The following PRDM16 variants were observed in gnomAD, a reference collection of about 807,000 sequenced individuals.
The protein encoded by PRDM16 is PR/SET domain 16, also known as histone-lysine N-methyltransferase PRDM16.
A neutral mutation model predicts 110.6 loss-of-function variants in PRDM16; 23 were observed. The observed-to-expected ratio is 0.21, with a 90% CI of 0.15 to 0.29. The LOEUF is 0.29. PRDM16 is among the 10% of genes least tolerant of loss of function. The pLI is 1.00. For synonymous variants in PRDM16, 799 were observed against 781.8 expected (o/e 1.02, Z -0.37); for missense variants, 1,615 against 1,794.3 (o/e 0.90, Z 1.81).
rs545791534 is a variant in PRDM16 at position 3,310,651 on chromosome 1, T to G, written c.438+66514T>G. On this transcript the variant is annotated intron_variant, in intron 3 of 16. Coordinates refer to ENST00000270722, the MANE Select transcript of PRDM16 (RefSeq NM_022114.4). The stretch of plus-strand genomic sequence containing the variant: ...CAGCAAGCACGTCTCAACCAGGGCC[T>G]CCTCTGGCCTCCACGCTACCTCTCC... 2.1e-4 allele frequency among the ~76,000 whole-genome samples: 32 copies of G among 152,316 alleles called. No individual in the cohort carries two copies. The South Asian group carries it at 6.0e-3, about 29-fold the overall frequency.
chr1:3,193,284 C>G (rs993027700), intron 2 of PRDM16, among the ~76,000 whole-genome samples: 3 of 152,242 alleles, frequency 2.0e-5, no homozygotes, highest in Admixed American at 1.3e-4. Flanking sequence ...AGGCTTCGGG[C>G]TCCTGCCCGG....
At chr1:3,096,040 G>A (rs1642390279) in intron 1 of PRDM16, among the ~76,000 whole-genome samples, 1 of 152,026 alleles carries the variant, frequency 6.6e-6, no homozygotes, top group Non-Finnish European at 1.5e-5. Flanking sequence ...AAGCCCTCGG[G>A]ACCTGCCCCC....
intron 1 of PRDM16, among the ~76,000 whole-genome samples, chr1:3,130,701 A>G (rs1431511101): frequency 1.3e-5 from 2 of 151,552 alleles, no homozygotes; most frequent in Non-Finnish European, 2.9e-5. Flanking sequence ...AGAGCCCATT[A>G]CAGACGGATG....
intron 1 of PRDM16, among the ~76,000 whole-genome samples, chr1:3,155,922 TAGA>T (rs1643852983): frequency 6.6e-6 from 1 of 152,172 alleles, no homozygotes; most frequent in African/African-American, 2.4e-5. Context: ...TAATAATGCG[TAGA>T]AGGAGATTTA....
intron 3 of PRDM16, among the ~76,000 whole-genome samples, chr1:3,354,969 G>A (rs548307825): frequency 6.6e-6 from 1 of 152,300 alleles, no homozygotes; most frequent in Admixed American, 6.5e-5. Context: ...CAGAGCTTGG[G>A]GGAGGCGGAA....
intron 3 of PRDM16, among the ~76,000 whole-genome samples, chr1:3,340,801 T>G (rs944819): frequency 0.67 from 101,907 of 152,068 alleles, 34,331 homozygotes; most frequent in Middle Eastern, 0.81. Flanking sequence ...CAAAATGGTG[T>G]CAGGGTGTGG....
At chr1:3,229,710 G>T (rs894067728) in intron 2 of PRDM16, among the ~76,000 whole-genome samples, 2 of 152,082 alleles carry the variant, frequency 1.3e-5, no homozygotes, top group African/African-American at 4.8e-5. Context: ...AAACCTTAAG[G>T]GTCTCTTTCT....
At chr1:3,270,561 A>T (rs1197452224) in intron 3 of PRDM16, among the ~76,000 whole-genome samples, 1 of 148,492 alleles carries the variant, frequency 6.7e-6, no homozygotes, top group Non-Finnish European at 1.5e-5. Context: ...AGTCAAGAGG[A>T]GCATAGTCCT....
At chr1:3,114,169 A>ACACACG (rs751825500) in intron 1 of PRDM16, among the ~76,000 whole-genome samples, 1 of 100,736 alleles carries the variant, frequency 9.9e-6, no homozygotes, top group African/African-American at 4.1e-5. Flanking sequence ...ACACACGCAC[A>ACACACG]CACACGCACA....
intron 1 of PRDM16, among the ~76,000 whole-genome samples, chr1:3,177,765 G>A (rs554322540): frequency 3.3e-5 from 5 of 152,350 alleles, no homozygotes; most frequent in East Asian, 3.9e-4. Context: ...TGATGGAGGC[G>A]TTCTCTGTCC....
At chr1:3,256,836 G>A (rs570231363) in intron 3 of PRDM16, among the ~76,000 whole-genome samples, 20 of 151,426 alleles carry the variant, frequency 1.3e-4, no homozygotes, top group Non-Finnish European at 2.7e-4. Flanking sequence ...CAGCCTGGGC[G>A]ACAGAGTGCG....
chr1:3,247,211 G>A (rs375589483), intron 3 of PRDM16, among the ~76,000 whole-genome samples: 5 of 152,258 alleles, frequency 3.3e-5, no homozygotes, highest in African/African-American at 1.2e-4. Flanking sequence ...TCCACCTCTG[G>A]GAGGATTACA....
intron 3 of PRDM16, among the ~76,000 whole-genome samples, chr1:3,374,150 G>A (rs1366786035): frequency 2.6e-5 from 4 of 152,144 alleles, no homozygotes; most frequent in Non-Finnish European, 5.9e-5. Context: ...GCCGCTGACC[G>A]CCAGGGGCCA....
intron 3 of PRDM16, among the ~76,000 whole-genome samples, chr1:3,306,108 G>C (rs1557594504): frequency 6.6e-6 from 1 of 152,212 alleles, no homozygotes; most frequent in African/African-American, 2.4e-5. Flanking sequence ...GATCTCTGCA[G>C]CTCCAGCACA....
At chr1:3,076,645 A>G (rs907368526) in intron 1 of PRDM16, among the ~76,000 whole-genome samples, 1 of 152,186 alleles carries the variant, frequency 6.6e-6, no homozygotes, top group Non-Finnish European at 1.5e-5. Flanking sequence ...CAGGAAGGAA[A>G]GGGCTCAGGA....
intron 2 of PRDM16, among the ~76,000 whole-genome samples, chr1:3,225,293 C>T (rs187209428): frequency 3.0e-4 from 45 of 152,240 alleles, no homozygotes; most frequent in Admixed American, 2.7e-3. Context: ...CAAACACTAG[C>T]GGGAAAAGTG....
chr1:3,120,353 G>A (rs1001955489), intron 1 of PRDM16, among the ~76,000 whole-genome samples: 10 of 152,284 alleles, frequency 6.6e-5, no homozygotes, highest in African/African-American at 1.7e-4. Context: ...GGTTGAGGTC[G>A]TCACCGCAGA....
intron 1 of PRDM16, among the ~76,000 whole-genome samples, chr1:3,173,236 G>A (rs143395031): frequency 5.9e-4 from 90 of 152,306 alleles, no homozygotes; most frequent in African/African-American, 2.0e-3. Flanking sequence ...AAGGAATAAA[G>A]GAGAGGAAGA....
chr1:3,349,106 A>C (rs1177708424), intron 3 of PRDM16, among the ~76,000 whole-genome samples: 2 of 152,258 alleles, frequency 1.3e-5, no homozygotes, highest in African/African-American at 2.4e-5. Context: ...TTGAAAAGCC[A>C]GGAGTCAATG....
Sources: gnomAD v4.1 joint callset for allele counts (sites outside exome capture counted in the v4.1 genomes callset) on GRCh38, gnomAD v4.1.1 for gene constraint, MANE v1.5 for transcripts, NCBI Gene and HGNC (gene_info 2026-07-23, HGNC 2026-07-21) for gene names.